The following ATP2C2 variants were observed in gnomAD, a reference collection of about 807,000 sequenced individuals.
ATP2C2 encodes ATPase secretory pathway Ca2+ transporting 2.
A neutral mutation model predicts 110.8 loss-of-function variants in ATP2C2; 171 were observed. That is an observed-to-expected ratio of 1.54 (90% CI 1.36 to 1.75). ATP2C2 has a LOEUF of 1.75. Ranked by LOEUF, ATP2C2 falls within the 40% of genes most tolerant of loss-of-function variation. The probability of loss-of-function intolerance (pLI) is 0.00; values close to 1 mark genes in which losing one functional copy is unlikely to be tolerated. For synonymous variants in ATP2C2, 804 were observed against 508.4 expected (o/e 1.58, Z -7.82); for missense variants, 1,963 against 1,235.0 (o/e 1.59, Z -8.84).
In ATP2C2 at chr16:84,459,261, G is replaced by A. The variant is rs775204799; in HGVS notation, c.2217-9G>A. 1 of 1,614,054 alleles carries A rather than the reference G, an allele frequency of 6.2e-7. No individual in the cohort carries two copies. The highest frequency in any genetic ancestry group is 8.5e-7 in the Non-Finnish European group (1 of 1,179,898). ...GGGCGGCCGCTGACTGGCTGCGTGTGCCCCGCAGGAGCATCTCCGCCCTGA... is the reference window on the plus strand; with the variant it reads ...GGGCGGCCGCTGACTGGCTGCGTGTACCCCGCAGGAGCATCTCCGCCCTGA... On this transcript the variant is annotated splice_polypyrimidine_tract_variant and intron_variant, in intron 22 of 26. Coordinates refer to ENST00000262429, the MANE Select transcript of ATP2C2 (RefSeq NM_014861.4).
intron 2 of ATP2C2, among the ~76,000 whole-genome samples, chr16:84,400,692 A>G (rs569670547): frequency 1.3e-5 from 2 of 152,172 alleles, no homozygotes; most frequent in South Asian, 2.1e-4. Flanking sequence ...ATTCCTACCA[A>G]CAGTGTACAA....
At chr16:84,449,861 G>A (rs1003659013) in intron 17 of ATP2C2, among the ~76,000 whole-genome samples, 6 of 152,234 alleles carry the variant, frequency 3.9e-5, no homozygotes, top group African/African-American at 1.2e-4. Flanking sequence ...ACGTTAGTAA[G>A]TAAACATCCC....
chr16:84,379,129 TTTCCCCTCTC>T (rs1868833817), intron 1 of ATP2C2, among the ~76,000 whole-genome samples: 1 of 149,094 alleles, frequency 6.7e-6, no homozygotes, highest in African/African-American at 2.5e-5. Context: ...CTTCCCCTCC[TTTCCCCTCTC>T]TTCCCCTCCT....
At position 84,422,518 on chromosome 16, in the gene ATP2C2, G is replaced by C. The variant is rs1292773729; in HGVS notation, c.753G>C (p.Leu251=). 6.2e-7 allele frequency: 1 copy of C among 1,614,120 alleles called. No homozygotes were observed. The highest frequency in any genetic ancestry group is 8.5e-7 in the Non-Finnish European group (1 of 1,180,030). Residue 251 remains leucine, a synonymous_variant, in exon 8 of 27, where the codon CTG becomes CTC. Coordinates refer to ENST00000262429, the MANE Select transcript of ATP2C2 (RefSeq NM_014861.4). The part of the protein sequence containing the change: ...TLSNIVFMGT[L]VQYGRGQGVV... Reference sequence around the variant, plus strand: ...GCAACATCGTCTTCATGGGGACCCTGGTGCAGTATGGGAGGGGCCAGGTAA... The same window carrying C: ...GCAACATCGTCTTCATGGGGACCCTCGTGCAGTATGGGAGGGGCCAGGTAA...
chr16:84,411,948 C>A (rs954535171), intron 6 of ATP2C2, among the ~76,000 whole-genome samples: 3 of 150,570 alleles, frequency 2.0e-5, no homozygotes, highest in African/African-American at 7.3e-5. Context: ...CTTTTCTTTT[C>A]TTTCTTTTCT....
At chr16:84,387,926 A>ATT (rs34113848) in intron 1 of ATP2C2, among the ~76,000 whole-genome samples, 20,274 of 145,174 alleles carry the variant, frequency 0.14, 1,451 homozygotes, top group East Asian at 0.28. Context: ...TCCCATGCCT[A>ATT]TTTTTTTTTT....
intron 1 of ATP2C2, among the ~76,000 whole-genome samples, chr16:84,396,266 C>T (rs1276905387): frequency 6.6e-6 from 1 of 151,854 alleles, no homozygotes; most frequent in Non-Finnish European, 1.5e-5. Context: ...GTGTTTCGAG[C>T]CAGGTGCAGT....
At chr16:84,450,588 G>T (rs1910168198) in intron 17 of ATP2C2, among the ~76,000 whole-genome samples, 1 of 152,160 alleles carries the variant, frequency 6.6e-6, no homozygotes, top group Admixed American at 6.5e-5. Flanking sequence ...GGGACCATTG[G>T]AAAAGGGGAG....
intron 1 of ATP2C2, among the ~76,000 whole-genome samples, chr16:84,393,965 G>C: frequency 6.7e-6 from 1 of 150,366 alleles, no homozygotes; most frequent in Non-Finnish European, 1.5e-5. Context: ...AGACCAGCCT[G>C]GGCAACATGG....
In ATP2C2 at chr16:84,368,722, C is replaced by A; in HGVS notation, c.99+8C>A. The A allele has an allele frequency of 6.6e-7, 1 of 1,517,018 alleles. No homozygotes were observed. The highest frequency in any genetic ancestry group is 1.2e-5 in the South Asian group (1 of 81,856). 94.0% of individuals were successfully genotyped at this position (1,517,018 alleles called of 1,614,324 possible). A position where few individuals can be genotyped will look rare whatever the true frequency, so the allele number is the denominator to read the frequency against. On this transcript the variant is annotated splice_region_variant and intron_variant, in intron 1 of 26. Transcript: ENST00000262429. ...GACGAAGAGGAAGCCTTGGTGAGTC[C>A]CCGCGACTCCGCGCCGGGCGTGCGA...
chr16:84,424,785 G>A (rs1907664547), intron 10 of ATP2C2, among the ~76,000 whole-genome samples: 2 of 152,042 alleles, frequency 1.3e-5, no homozygotes, highest in Admixed American at 1.3e-4. Context: ...AGCTACTAAT[G>A]TATAGACACA....
chr16:84,411,486 G>A (rs1597787163), intron 6 of ATP2C2, among the ~76,000 whole-genome samples: 1 of 152,278 alleles, frequency 6.6e-6, no homozygotes, highest in East Asian at 1.9e-4. Context: ...CTGTCGCCCA[G>A]GCTGGAGTGC....
At chr16:84,424,909 T>A (rs1907676506) in intron 10 of ATP2C2, among the ~76,000 whole-genome samples, 2 of 152,044 alleles carry the variant, frequency 1.3e-5, no homozygotes, top group African/African-American at 4.8e-5. Context: ...CTAGTGGGGG[T>A]GGCTCTAGGC....
chr16:84,384,234 C>T lies in ATP2C2; in HGVS notation c.100-14265C>T, dbSNP rs143746790. ...GAAAGGATGTGGCTCTTAGTTGCCA[C>T]GTCCCTCTGTTTCTCCTTCTGTGTG... On this transcript the variant is annotated intron_variant, in intron 1 of 26. Transcript: ENST00000262429. Among the ~76,000 whole-genome samples, 280 of 152,338 alleles carry T rather than the reference C, an allele frequency of 1.8e-3. 1 individual carries two copies. The highest frequency in any genetic ancestry group is 6.4e-3 in the African/African-American group (267 of 41,588).
At chr16:84,387,176 C>T (rs1165171300) in intron 1 of ATP2C2, among the ~76,000 whole-genome samples, 2 of 152,150 alleles carry the variant, frequency 1.3e-5, no homozygotes, top group South Asian at 2.1e-4. Context: ...TTTGGGCACT[C>T]GTATCTCCTG....
chr16:84,445,822 A>T (rs372857592), intron 15 of ATP2C2, among the ~76,000 whole-genome samples: 2 of 152,188 alleles, frequency 1.3e-5, no homozygotes, highest in East Asian at 3.8e-4. Context: ...CCCCTGTGGG[A>T]CAGTGGGATG....
At chr16:84,409,202 G>C (rs1906052304) in intron 4 of ATP2C2, among the ~76,000 whole-genome samples, 2 of 152,146 alleles carry the variant, frequency 1.3e-5, no homozygotes, top group South Asian at 4.1e-4. Flanking sequence ...CACAAGGACA[G>C]AAAACTAAAC....
intron 26 of ATP2C2, among the ~76,000 whole-genome samples, chr16:84,463,193 TCA>T (rs1911564805): frequency 6.1e-5 from 1 of 16,398 alleles, no homozygotes; most frequent in Admixed American, 7.1e-4. Flanking sequence ...CGCTGGGAAT[TCA>T]TCCCAGGGAA....
intron 7 of ATP2C2, among the ~76,000 whole-genome samples, chr16:84,420,110 C>G (rs551675289): frequency 1.2e-4 from 18 of 152,322 alleles, no homozygotes; most frequent in Non-Finnish European, 2.2e-4. Flanking sequence ...CCGGAGGTCT[C>G]TGCTCCCTGT....
Sources: gnomAD v4.1 joint callset for allele counts (sites outside exome capture counted in the v4.1 genomes callset) on GRCh38, gnomAD v4.1.1 for gene constraint, MANE v1.5 for transcripts, NCBI Gene and HGNC (gene_info 2026-07-23, HGNC 2026-07-21) for gene names.